The following LRRTM4 variants were observed in gnomAD, a reference collection of about 807,000 sequenced individuals.
The protein encoded by LRRTM4 is leucine-rich repeat transmembrane neuronal protein 4.
Under a neutral mutation model 47.6 loss-of-function variants are expected in LRRTM4, and 25 were observed. That is an observed-to-expected ratio of 0.53 (90% CI 0.38 to 0.73). LRRTM4 has a LOEUF of 0.73. Among genes scored for constraint, LRRTM4 ranks in the 30% least tolerant of loss-of-function variants. The probability of loss-of-function intolerance (pLI) is 0.00; values close to 1 mark genes in which losing one functional copy is unlikely to be tolerated. For synonymous variants in LRRTM4, 311 were observed against 269.5 expected (o/e 1.15, Z -1.51); for missense variants, 638 against 713.4 (o/e 0.89, Z 1.20).
At chr2:77,081,587 A>AT (rs1334204545) in intron 3 of LRRTM4, among the ~76,000 whole-genome samples, 1 of 152,064 alleles carries the variant, frequency 6.6e-6, no homozygotes, top group Non-Finnish European at 1.5e-5. Context: ...ACTTTCACAA[A>AT]TTTTATTGTA....
chr2:76,975,275 T>A (rs970670440), intron 3 of LRRTM4, among the ~76,000 whole-genome samples: 2 of 151,806 alleles, frequency 1.3e-5, no homozygotes, highest in Admixed American at 1.3e-4. Context: ...ACAGGGCATC[T>A]TACTTCCTAA....
At chr2:77,174,490 G>T (rs948619278) in intron 3 of LRRTM4, among the ~76,000 whole-genome samples, 1 of 152,144 alleles carries the variant, frequency 6.6e-6, no homozygotes, top group Non-Finnish European at 1.5e-5. Context: ...TCTGTGTGGA[G>T]AAATGCCCTC....
chr2:76,797,324 G>A (rs1675391815), intron 3 of LRRTM4, among the ~76,000 whole-genome samples: 1 of 152,022 alleles, frequency 6.6e-6, no homozygotes, highest in Admixed American at 6.5e-5. Context: ...CATTCTTAAA[G>A]AAAAGAATTT....
At chr2:76,936,772 G>GTT (rs199767062) in intron 3 of LRRTM4, among the ~76,000 whole-genome samples, 1,831 of 150,434 alleles carry the variant, frequency 0.012, 36 homozygotes, top group African/African-American at 0.042. Flanking sequence ...CTGGCCAAAT[G>GTT]GTGAATCCCC....
At chr2:77,000,903 C>T (rs1006019273) in intron 3 of LRRTM4, among the ~76,000 whole-genome samples, 2 of 152,068 alleles carry the variant, frequency 1.3e-5, no homozygotes, top group Admixed American at 1.3e-4. Context: ...TGGGAATCTC[C>T]TTGCCCTTGG....
intron 3 of LRRTM4, among the ~76,000 whole-genome samples, chr2:77,050,126 GTCT>G (rs1021557425): frequency 1.6e-5 from 2 of 128,016 alleles, no homozygotes; most frequent in African/African-American, 7.7e-5. Flanking sequence ...TTAGAACCAA[GTCT>G]TTTTTTTTTT....
At chr2:77,158,642 C>T (rs1672624527) in intron 3 of LRRTM4, among the ~76,000 whole-genome samples, 1 of 151,978 alleles carries the variant, frequency 6.6e-6, no homozygotes, top group African/African-American at 2.4e-5. Flanking sequence ...GCTATTAAGA[C>T]AAGCAGTTTG....
chr2:76,752,858 G>T (rs539357050), intron 3 of LRRTM4, among the ~76,000 whole-genome samples: 4 of 152,160 alleles, frequency 2.6e-5, no homozygotes, highest in African/African-American at 9.6e-5. Context: ...CTCTCCAAAT[G>T]GTTCTGTGTT....
chr2:76,932,795 TACTC>T (rs1009053008), intron 3 of LRRTM4, among the ~76,000 whole-genome samples: 2 of 140,374 alleles, frequency 1.4e-5, no homozygotes, highest in African/African-American at 5.8e-5. Flanking sequence ...GGAAAATACT[TACTC>T]TAAAGAAATT....
intron 3 of LRRTM4, among the ~76,000 whole-genome samples, chr2:76,945,464 C>A (rs1409728037): frequency 6.6e-6 from 1 of 151,954 alleles, no homozygotes; most frequent in Non-Finnish European, 1.5e-5. Flanking sequence ...ACTATCATGG[C>A]AAATGTGCAA....
chr2:77,223,857 T>C (rs1674720513), intron 3 of LRRTM4, among the ~76,000 whole-genome samples: 1 of 152,150 alleles, frequency 6.6e-6, no homozygotes, highest in South Asian at 2.1e-4. Context: ...TGGAAAAAAC[T>C]ACTTCAAAGT....
At chr2:77,153,446 T>A (rs951178129) in intron 3 of LRRTM4, among the ~76,000 whole-genome samples, 3 of 152,096 alleles carry the variant, frequency 2.0e-5, no homozygotes, top group African/African-American at 7.2e-5. Flanking sequence ...ACATGCAAAT[T>A]TAATGCAAAA....
chr2:77,267,035 T>C (rs1406672377), intron 3 of LRRTM4, among the ~76,000 whole-genome samples: 1 of 152,154 alleles, frequency 6.6e-6, no homozygotes, highest in African/African-American at 2.4e-5. Context: ...TACCCTGCTT[T>C]CCTCCTGCTC....
At chr2:76,899,886 A>G (rs1673563088) in intron 3 of LRRTM4, among the ~76,000 whole-genome samples, 1 of 152,180 alleles carries the variant, frequency 6.6e-6, no homozygotes, top group African/African-American at 2.4e-5. Flanking sequence ...TGCCTTTTGC[A>G]TGACATCCAT....
intron 3 of LRRTM4, among the ~76,000 whole-genome samples, chr2:76,847,842 T>C (rs1205345624): frequency 2.0e-5 from 3 of 152,144 alleles, no homozygotes; most frequent in Non-Finnish European, 2.9e-5. Flanking sequence ...TTAAATTAAT[T>C]TACATAAGAA....
intron 3 of LRRTM4, among the ~76,000 whole-genome samples, chr2:77,053,895 T>C (rs1341629388): frequency 1.3e-5 from 2 of 152,166 alleles, no homozygotes; most frequent in Non-Finnish European, 2.9e-5. Context: ...GACTAGAGAA[T>C]CTTCAAATAA....
chr2:76,986,232 C>T (rs1676789821), intron 3 of LRRTM4, among the ~76,000 whole-genome samples: 1 of 149,994 alleles, frequency 6.7e-6, no homozygotes, highest in East Asian at 1.9e-4. Context: ...ATTTAAAATT[C>T]TGTTCTTTTA....
chr2:76,800,292 A>G (rs1170304993), intron 3 of LRRTM4, among the ~76,000 whole-genome samples: 2 of 149,638 alleles, frequency 1.3e-5, no homozygotes, highest in Non-Finnish European at 3.0e-5. Context: ...CCTCAGAAAT[A>G]GTGCCGCATA....
chr2:76,903,745 C>A (rs567032810), intron 3 of LRRTM4, among the ~76,000 whole-genome samples: 2 of 152,132 alleles, frequency 1.3e-5, no homozygotes, highest in African/African-American at 4.8e-5. Context: ...ACAAACAAAT[C>A]ATGGAAATGG....
Sources: gnomAD v4.1 joint callset for allele counts (sites outside exome capture counted in the v4.1 genomes callset) on GRCh38, gnomAD v4.1.1 for gene constraint, MANE v1.5 for transcripts, NCBI Gene and HGNC (gene_info 2026-07-23, HGNC 2026-07-21) for gene names.